ATP8A2: variants seen among roughly 807,000 people sequenced by gnomAD.
The protein encoded by ATP8A2 is phospholipid-transporting ATPase IB.
ATP8A2 carries 100 observed loss-of-function variants against 165.6 expected under a neutral mutation model. The observed-to-expected ratio is 0.60, with a 90% CI of 0.51 to 0.71. The LOEUF (loss-of-function observed/expected upper bound fraction) is 0.71. ATP8A2 is among the 30% of genes least tolerant of loss of function. The pLI is 0.00. For missense variants in ATP8A2, 1,227 were observed against 1,479.5 expected (o/e 0.83, Z 2.80); for synonymous variants, 543 against 548.8 (o/e 0.99, Z 0.15).
intron 1 of ATP8A2, among the ~76,000 whole-genome samples, chr13:25,390,940 A>G (rs2033223789): frequency 6.7e-6 from 1 of 150,164 alleles, no homozygotes; most frequent in African/African-American, 2.5e-5. Context: ...AAAAAAAAAA[A>G]TTCATCTATG....
chr13:25,773,971 T>C (rs575934986), intron 26 of ATP8A2, among the ~76,000 whole-genome samples: 1 of 152,334 alleles, frequency 6.6e-6, no homozygotes, highest in African/African-American at 2.4e-5. Flanking sequence ...TGTGTACTTT[T>C]CTTTTAAACA....
rs923625545 is a variant in ATP8A2 at position 25,862,365 on chromosome 13, C to T, written c.3140C>T (p.Thr1047Ile). ...TWLVFFGIYS[T>I]IWPTIPIAPD... Reference sequence around the variant, plus strand: ...CTGGTGTTTTTTGGCATCTACTCGACCATCTGGCCCACCATTCCCATTGCT... The same window carrying T: ...CTGGTGTTTTTTGGCATCTACTCGATCATCTGGCCCACCATTCCCATTGCT... The change falls in exon 33 of 37, where the codon ACC (threonine) becomes ATC (isoleucine). Residue 1047 changes from threonine to isoleucine, a missense_variant. Physicochemically the swap from Thr to Ile is moderately conservative, Grantham distance 89. Around this residue, in one of 5 missense-constraint regions of ATP8A2, gnomAD observed 260 missense variants for 245.1 expected, o/e 1.06. Coordinates refer to ENST00000381655, the MANE Select transcript of ATP8A2 (RefSeq NM_016529.6). 1 of 1,614,074 alleles carries T rather than the reference C, an allele frequency of 6.2e-7. No individual in the cohort carries two copies. The highest frequency in any genetic ancestry group is 8.5e-7 in the Non-Finnish European group (1 of 1,179,970).
chr13:25,553,954 C>T, intron 12 of ATP8A2, 34 bp downstream of exon 12: 1 of 1,592,350 alleles, frequency 6.3e-7, no homozygotes, highest in Non-Finnish European at 8.6e-7. Flanking sequence ...TCACTATTTT[C>T]CAATGCTATT....
chr13:25,498,470 G>A (rs1373180165), intron 2 of ATP8A2, among the ~76,000 whole-genome samples: 1 of 152,290 alleles, frequency 6.6e-6, no homozygotes, highest in Admixed American at 6.5e-5. Context: ...CAATGATGCT[G>A]CAGATTCAGT....
At chr13:25,867,767 A>G (rs1952552611) in intron 33 of ATP8A2, among the ~76,000 whole-genome samples, 2 of 152,162 alleles carry the variant, frequency 1.3e-5, no homozygotes, top group Admixed American at 1.3e-4. Flanking sequence ...CAAATCCATG[A>G]AAGAGCTGGC....
chr13:25,492,603 C>T (rs566974529), intron 2 of ATP8A2, among the ~76,000 whole-genome samples: 67 of 152,290 alleles, frequency 4.4e-4, no homozygotes, highest in African/African-American at 1.4e-3. Context: ...CCTCCCACCC[C>T]GTGTAGTTGT....
At chr13:25,656,509 C>G (rs952032445) in intron 24 of ATP8A2, among the ~76,000 whole-genome samples, 1 of 151,932 alleles carries the variant, frequency 6.6e-6, no homozygotes, top group Non-Finnish European at 1.5e-5. Context: ...CTCCTGACCT[C>G]AGATCTGCCC....
rs370465119 is a variant in ATP8A2, at chr13:25,559,708, G to A, written c.1353-13G>A. 7.3e-5 allele frequency: 117 copies of A among 1,611,634 alleles called. No individual in the cohort carries two copies. The African/African-American group carries it at 8.4e-4, about 12-fold the overall frequency. On this transcript the variant is annotated splice_polypyrimidine_tract_variant and intron_variant, in intron 14 of 36. Coordinates refer to ENST00000381655, the MANE Select transcript of ATP8A2 (RefSeq NM_016529.6). The stretch of plus-strand genomic sequence containing the variant: ...CAGTTTTGTGACCACTCTGTTTTCC[G>A]TTTCTCTGGCAGTCACTTCCCAGAA...
intron 24 of ATP8A2, among the ~76,000 whole-genome samples, chr13:25,691,178 A>T (rs905994703): frequency 1.3e-5 from 2 of 152,218 alleles, no homozygotes; most frequent in Non-Finnish European, 2.9e-5. Context: ...AAAGGTCAGC[A>T]GGGCCTGGAG....
At chr13:25,926,040 A>G (rs756524494) in intron 33 of ATP8A2, among the ~76,000 whole-genome samples, 1 of 152,160 alleles carries the variant, frequency 6.6e-6, no homozygotes, top group African/African-American at 2.4e-5. Flanking sequence ...CTCAATTTTC[A>G]TAGTAAATTT....
intron 2 of ATP8A2, among the ~76,000 whole-genome samples, chr13:25,511,372 A>G (rs1316578131): frequency 6.6e-6 from 1 of 152,200 alleles, no homozygotes; most frequent in East Asian, 1.9e-4. Context: ...TCTTCTTGCC[A>G]GATAAACTGG....
intron 1 of ATP8A2, among the ~76,000 whole-genome samples, chr13:25,433,966 C>T (rs1003856215): frequency 1.3e-5 from 2 of 152,106 alleles, no homozygotes; most frequent in African/African-American, 2.4e-5. Context: ...ATTCTGGGGG[C>T]TCCAAAAGAG....
At chr13:25,780,527 G>A (rs1263711610) in intron 27 of ATP8A2, among the ~76,000 whole-genome samples, 1 of 152,086 alleles carries the variant, frequency 6.6e-6, no homozygotes, top group East Asian at 1.9e-4. Flanking sequence ...AAACTGAACC[G>A]CAGAATTTAG....
rs984401215 is a variant in ATP8A2, at chr13:25,385,833, A to G, written c.76+13545A>G. 8.2e-4 allele frequency among the ~76,000 whole-genome samples: 124 copies of G among 152,108 alleles called. 1 individual carries two copies. Among genetic ancestry groups the G allele is most frequent in the African/African-American group, 2.9e-3 (122 of 41,472 alleles). On this transcript the variant is annotated intron_variant, in intron 1 of 36. Coordinates refer to ENST00000381655, the MANE Select transcript of ATP8A2 (RefSeq NM_016529.6). ...TAGCCTCCTGAGTAGCTGGGACTAC[A>G]GGTACACACCACTATGCCCAGCTAA...
intron 36 of ATP8A2, among the ~76,000 whole-genome samples, chr13:26,018,800 T>C (rs1192860550): frequency 2.0e-5 from 3 of 152,178 alleles, no homozygotes; most frequent in African/African-American, 7.2e-5. Context: ...CACAAAAATC[T>C]CTGTGCCTCA....
At chr13:25,643,707 G>A (rs2041596566) in intron 24 of ATP8A2, among the ~76,000 whole-genome samples, 1 of 149,656 alleles carries the variant, frequency 6.7e-6, no homozygotes, top group Non-Finnish European at 1.5e-5. Flanking sequence ...CTCCCACTGT[G>A]TTCTTTTTCT....
intron 10 of ATP8A2, among the ~76,000 whole-genome samples, chr13:25,545,559 C>T (rs1303635118): frequency 6.6e-6 from 1 of 152,134 alleles, no homozygotes; most frequent in Non-Finnish European, 1.5e-5. Flanking sequence ...CTTTAACTCC[C>T]ATAGTGCAGT....
chr13:25,973,047 T>A (rs781468138), intron 35 of ATP8A2, among the ~76,000 whole-genome samples: 3 of 151,990 alleles, frequency 2.0e-5, no homozygotes, highest in Non-Finnish European at 2.9e-5. Context: ...TCATCCCAGT[T>A]GGTGGGAGTG....
At chr13:25,939,459 C>T (rs115933250) in intron 33 of ATP8A2, among the ~76,000 whole-genome samples, 1,708 of 152,298 alleles carry the variant, frequency 0.011, 26 homozygotes, top group African/African-American at 0.04. Context: ...AATCATTGCT[C>T]AGGCCTCTCT....
Sources: gnomAD v4.1 joint callset for allele counts (sites outside exome capture counted in the v4.1 genomes callset) on GRCh38, gnomAD v4.1.1 for gene constraint, gnomAD v4.1.1 regional missense constraint, MANE v1.5 for transcripts, NCBI Gene and HGNC (gene_info 2026-07-23, HGNC 2026-07-21) for gene names.